The following SELENOS variants were observed in gnomAD, a reference collection of about 807,000 sequenced individuals.
SELENOS encodes the protein VCP interacting membrane selenoprotein.
Under a neutral mutation model 30.2 loss-of-function variants are expected in SELENOS, and 37 were observed. The observed-to-expected ratio is 1.23, with a 90% CI of 0.94 to 1.61. SELENOS has a LOEUF of 1.61. Among genes scored for constraint, SELENOS ranks in the 40% most tolerant of loss-of-function variants. The probability of loss-of-function intolerance (pLI) is 0.00; values close to 1 mark genes in which losing one functional copy is unlikely to be tolerated. For missense variants in SELENOS, 289 were observed against 231.8 expected (o/e 1.25, Z -1.60); for synonymous variants, 119 against 91.6 (o/e 1.30, Z -1.71).
intron 1 of SELENOS, chr15:101,277,060 G>A (rs1410163781): frequency 3.2e-6 from 2 of 623,744 alleles, no homozygotes; most frequent in Non-Finnish European, 5.7e-6. Flanking sequence ...AGAGGCAAAC[G>A]CCAACGGCCG....
Position 101,274,593 on chromosome 15 carries a change from TG to T in SELENOS, c.406del (p.Gln136ArgfsTer14). 1 of 1,613,586 alleles carries T rather than the reference TG, an allele frequency of 6.2e-7. No individual in the cohort carries two copies. The highest frequency in any genetic ancestry group is 8.5e-7 in the Non-Finnish European group (1 of 1,179,704). Reference sequence around the variant, plus strand: ...CAGCCGGCCGAGGTCTCCAGTCACCTGGGGCTTCTTTGCATTTCCTTTGTAA... The same window carrying T: ...CAGCCGGCCGAGGTCTCCAGTCACCTGGGCTTCTTTGCATTTCCTTTGTAA... ...KSYKGNAKKPQEEDSPGPSTS... is the reference protein window; with the variant it reads ...KSYKGNAKKPXEEDSPGPSTS... On this transcript the variant is annotated frameshift_variant and splice_region_variant, in exon 4 of 6. Transcript: ENST00000526049. LOFTEE classifies it high-confidence loss of function.
chr15:101,277,458 T>C lies in SELENOS; in HGVS notation c.-41A>G. ...CGCCGCCCAGCCCTGCCGCCGCGCC[T>C]CCAGCCGGGCGCTTCCGGTGCGCTC... On this transcript the variant is annotated 5_prime_UTR_variant, in exon 1 of 6. Transcript: ENST00000526049. The C allele has an allele frequency of 1.4e-6, 2 of 1,409,002 alleles. No individual in the cohort carries two copies. The highest frequency in any genetic ancestry group is 9.2e-7 in the Non-Finnish European group (1 of 1,091,512). The allele number at this position is 1,409,002 out of a possible 1,614,324, so 87.3% of individuals were successfully genotyped here.
chr15:101,274,329 G>T, intron 5 of SELENOS, 91 bp downstream of exon 5: 1 of 1,410,442 alleles, frequency 7.1e-7, no homozygotes. Context: ...CTTAATTTAT[G>T]GACAAAGAAA....
At chr15:101,274,169 C>G (rs1227936950) in intron 5 of SELENOS, 5 of 546,354 alleles carry the variant, frequency 9.2e-6, no homozygotes, top group Non-Finnish European at 1.6e-5. Flanking sequence ...GCAGACAATT[C>G]CTCACCCTAC....
chr15:101,277,477 T>TGCGCTCCTACGCACACGTGGC lies in SELENOS; in HGVS notation c.-61_-60insGCCACGTGTGCGTAGGAGCGC. On this transcript the variant is annotated 5_prime_UTR_variant, in exon 1 of 6. Transcript: ENST00000526049. ...CGCGCCTCCAGCCGGGCGCTTCCGG[T>TGCGCTCCTACGCACACGTGGC]GCGCTCCTACGCACACGTGGCGCGC... The TGCGCTCCTACGCACACGTGGC allele has an allele frequency of 7.2e-7, 1 of 1,388,970 alleles. No individual in the cohort carries two copies. Among genetic ancestry groups the TGCGCTCCTACGCACACGTGGC allele is most frequent in the Non-Finnish European group, 9.2e-7 (1 of 1,082,580 alleles). 86.0% of individuals were successfully genotyped at this position (1,388,970 alleles called of 1,614,324 possible).
In SELENOS at chr15:101,274,669, T is replaced by C. The variant is rs1456250133; in HGVS notation, c.331A>G (p.Lys111Glu). The C allele has an allele frequency of 4.3e-6, 7 of 1,611,758 alleles. No individual in the cohort carries two copies. Among genetic ancestry groups the C allele is most frequent in the African/African-American group, 1.3e-5 (1 of 74,834 alleles). ...KEKLKQLEEE[K>E]RRQKIEMWDS... ...CACATTTCAATCTTCTGTCTCCTTTTTTCTTCTTCAAGCTGAGAAACAATC... is the reference window on the plus strand; with the variant it reads ...CACATTTCAATCTTCTGTCTCCTTTCTTCTTCTTCAAGCTGAGAAACAATC... Residue 111 changes from lysine to glutamate, a missense_variant, in exon 4 of 6, where the codon AAA (lysine) becomes GAA (glutamate). By Grantham distance (56) the Lys-to-Glu change is moderately conservative (BLOSUM62 1). Coordinates refer to ENST00000526049, the MANE Select transcript of SELENOS (RefSeq NM_018445.6).
At chr15:101,276,848 T>C in intron 1 of SELENOS, 173 bp from the exon 2 acceptor site, 1 of 724,502 alleles carries the variant, frequency 1.4e-6, no homozygotes, top group East Asian at 2.9e-5. Context: ...GTGCGACAAT[T>C]CAGGGATCAC....
intron 3 of SELENOS, 110 bp from the exon 4 acceptor site, chr15:101,274,791 C>A (rs1001656104): frequency 8.8e-7 from 1 of 1,140,230 alleles, no homozygotes; most frequent in Non-Finnish European, 1.2e-6. Context: ...ACAAACTTCA[C>A]CCTCGTTTTC....
rs1481052878 is a variant in SELENOS at position 101,277,376 on chromosome 15, C to T, written c.42G>A (p.Leu14=). 3 of 1,507,794 alleles carry T rather than the reference C, an allele frequency of 2.0e-6. No individual in the cohort carries two copies. The highest frequency in any genetic ancestry group is 1.4e-5 in the African/African-American group (1 of 69,128). The allele number at this position is 1,507,794 out of a possible 1,614,324, so 93.4% of individuals were successfully genotyped here. The change falls in exon 1 of 6, where the codon CTG becomes CTA. Residue 14 remains leucine, a synonymous_variant. Transcript: ENST00000526049. ...QEESLSARPA[L]ETEGLRFLHT... ...GCAGGAAGCGCAGCCCCTCGGTCTC[C>T]AGGGCCGGCCGCGCGGACAGAGACT...
chr15:101,277,377 A>C lies in SELENOS; in HGVS notation c.41T>G (p.Leu14Arg). ...CAGGAAGCGCAGCCCCTCGGTCTCC[A>C]GGGCCGGCCGCGCGGACAGAGACTC... ...QEESLSARPA[L>R]ETEGLRFLHT... The change falls in exon 1 of 6, where the codon CTG (leucine) becomes CGG (arginine). Residue 14 changes from leucine to arginine, a missense_variant. Coordinates refer to ENST00000526049, the MANE Select transcript of SELENOS (RefSeq NM_018445.6). 2.0e-6 allele frequency: 3 copies of C among 1,507,646 alleles called. No homozygotes were observed. The highest frequency in any genetic ancestry group is 2.6e-6 in the Non-Finnish European group (3 of 1,135,792). The allele number at this position is 1,507,646 out of a possible 1,614,324, so 93.4% of individuals were successfully genotyped here.
chr15:101,275,731 A>G (rs2039318792), intron 2 of SELENOS, among the ~76,000 whole-genome samples: 1 of 152,202 alleles, frequency 6.6e-6, no homozygotes, highest in South Asian at 2.1e-4. Context: ...AAGACTACCA[A>G]GGAAATATAA....
intron 2 of SELENOS, 183 bp downstream of exon 2, chr15:101,276,358 C>T (rs924243286): frequency 7.3e-6 from 5 of 682,974 alleles, no homozygotes; most frequent in African/African-American, 3.7e-5. Flanking sequence ...AAGTGATTAT[C>T]CCGCCTCAGC....
rs1420619299 is a variant in SELENOS at position 101,277,327 on chromosome 15, C to T, written c.76+15G>A. 3.3e-6 allele frequency: 5 copies of T among 1,509,534 alleles called. No individual in the cohort carries two copies. The highest frequency in any genetic ancestry group is 3.5e-6 in the Non-Finnish European group (4 of 1,136,728). 93.5% of individuals were successfully genotyped at this position (1,509,534 alleles called of 1,614,324 possible). On this transcript the variant is annotated intron_variant, in intron 1 of 5. Coordinates refer to ENST00000526049, the MANE Select transcript of SELENOS (RefSeq NM_018445.6). ...AAAGTGGCGGCGCGCGCCCGGCTGC[C>T]CCGCAACGACTCACCCGTGGTGTGC...
chr15:101,271,156 T>A (rs1567117727), downstream of SELENOS: 1 of 152,246 alleles, frequency 6.6e-6, no homozygotes, highest in Non-Finnish European at 1.5e-5. Flanking sequence ...ATGCGATGTG[T>A]AGTTGACAGC....
At chr15:101,275,462 C>T in intron 2 of SELENOS, 101 bp from the exon 3 acceptor site, 1 of 958,000 alleles carries the variant, frequency 1.0e-6, no homozygotes, top group Non-Finnish European at 1.5e-6. Context: ...GTATGGATAT[C>T]AGACAATGAA....
chr15:101,271,944 G>C (rs949574468), downstream of SELENOS, among the ~76,000 whole-genome samples: 6 of 152,234 alleles, frequency 3.9e-5, no homozygotes, highest in Non-Finnish European at 8.8e-5. Flanking sequence ...CTCTGGACAA[G>C]AGCGTAAAAG....
At chr15:101,276,394 G>C in intron 2 of SELENOS, 147 bp downstream of exon 2, 2 of 1,108,430 alleles carry the variant, frequency 1.8e-6, no homozygotes, top group Non-Finnish European at 2.5e-6. Flanking sequence ...GACTACAGGT[G>C]CGTGCCGCCA....
Position 101,272,741 on chromosome 15 carries a change from C to CT in SELENOS, c.*29dup, listed in dbSNP as rs762549474. On this transcript the variant is annotated 3_prime_UTR_variant, in exon 6 of 6. Transcript: ENST00000526049. ...AATCGAGGGTTAAGGGTTCATCTTG[C>CT]TAATGTCAAAAGTGACACTAACAAG... The CT allele has an allele frequency of 2.3e-5, 37 of 1,580,028 alleles. No individual in the cohort carries two copies. The African/African-American group carries it at 3.5e-4, about 15-fold the overall frequency.
At chr15:101,276,034 T>C (rs924380601) in intron 2 of SELENOS, among the ~76,000 whole-genome samples, 2 of 151,158 alleles carry the variant, frequency 1.3e-5, no homozygotes, top group African/African-American at 4.9e-5. Flanking sequence ...CGATTTCTCC[T>C]GCCTCAGCCA....
Sources: allele counts gnomAD v4.1 joint callset (sites outside exome capture counted in the v4.1 genomes callset), GRCh38; gene constraint gnomAD v4.1.1; transcripts MANE v1.5; gene names NCBI Gene and HGNC (gene_info 2026-07-23, HGNC 2026-07-21).